The following RARB variants were observed in gnomAD, a reference collection of about 807,000 sequenced individuals.
RARB encodes retinoic acid receptor beta, also known as HBV-activated protein.
RARB carries 17 observed loss-of-function variants against 51.9 expected under a neutral mutation model. That is an observed-to-expected ratio of 0.33 (90% confidence interval 0.22 to 0.49). The LOEUF (loss-of-function observed/expected upper bound fraction) is 0.49, where lower values mean the gene tolerates loss of function less well. Among genes scored for constraint, RARB ranks in the 20% least tolerant of loss-of-function variants. The pLI is 0.99. For missense variants in RARB, 369 were observed against 550.8 expected (o/e 0.67, Z 3.30); for synonymous variants, 215 against 195.4 (o/e 1.10, Z -0.84).
At chr3:25,273,718 C>A (rs1703307175) in intron 5 of RARB, among the ~76,000 whole-genome samples, 1 of 152,352 alleles carries the variant, frequency 6.6e-6, no homozygotes, top group African/African-American at 2.4e-5. Flanking sequence ...CATGAATCAA[C>A]CTGTAAGTGC....
chr3:24,997,442 T>A (rs1471121348), intron 2 of RARB, among the ~76,000 whole-genome samples: 1 of 152,108 alleles, frequency 6.6e-6, no homozygotes, highest in Non-Finnish European at 1.5e-5. Context: ...TTTGCATTCA[T>A]GGCCATTGAT....
chr3:25,561,901 A>G (rs976507213), intron 3 of RARB, among the ~76,000 whole-genome samples: 7 of 152,214 alleles, frequency 4.6e-5, no homozygotes, highest in African/African-American at 1.7e-4. Flanking sequence ...TTGCTGGGAA[A>G]TTTCTTTTTT....
At chr3:24,924,839 C>T (rs917366087) in intron 2 of RARB, among the ~76,000 whole-genome samples, 1 of 152,072 alleles carries the variant, frequency 6.6e-6, no homozygotes, top group African/African-American at 2.4e-5. Context: ...AGGTAATACC[C>T]CTTATCCTTA....
intron 5 of RARB, among the ~76,000 whole-genome samples, chr3:25,372,368 G>A (rs552472157): frequency 1.9e-4 from 29 of 152,214 alleles, no homozygotes; most frequent in South Asian, 8.3e-4. Context: ...GCCCCTGTGG[G>A]ACAAAATCAC....
intron 2 of RARB, among the ~76,000 whole-genome samples, chr3:24,913,404 T>TC (rs61629105): frequency 0.01 from 1,353 of 131,384 alleles, 6 homozygotes; most frequent in African/African-American, 0.034. Flanking sequence ...CTCTCTCTCT[T>TC]TTTTTTTTTT....
At chr3:25,559,258 A>C (rs916720448) in intron 3 of RARB, among the ~76,000 whole-genome samples, 1 of 152,196 alleles carries the variant, frequency 6.6e-6, no homozygotes, top group Non-Finnish European at 1.5e-5. Context: ...TGGAGAAGAT[A>C]CTGGACTGTG....
chr3:25,228,467 C>T (rs915993334), intron 5 of RARB, among the ~76,000 whole-genome samples: 7 of 151,742 alleles, frequency 4.6e-5, no homozygotes, highest in Non-Finnish European at 1.0e-4. Flanking sequence ...GATCAGAGTG[C>T]CTTTTATCTC....
At chr3:25,364,727 C>G (rs530415124) in intron 5 of RARB, among the ~76,000 whole-genome samples, 1 of 152,194 alleles carries the variant, frequency 6.6e-6, no homozygotes, top group African/African-American at 2.4e-5. Context: ...ACATGAGGAA[C>G]CATATCCAGT....
intron 5 of RARB, among the ~76,000 whole-genome samples, chr3:25,278,701 C>T (rs1703451753): frequency 6.6e-6 from 1 of 152,194 alleles, no homozygotes; most frequent in Non-Finnish European, 1.5e-5. Context: ...AGCAAAATAG[C>T]AGCCCCGTTA....
Position 25,335,805 on chromosome 3 carries a change from G to T in RARB, c.179-125388G>T, listed in dbSNP as rs146725003. 2.6e-5 allele frequency among the ~76,000 whole-genome samples: 4 copies of T among 152,242 alleles called. No individual in the cohort carries two copies. In the East Asian group the frequency reaches 7.7e-4, roughly 29 times the overall value. The stretch of plus-strand genomic sequence containing the variant: ...CTCTGCTATATTCTCTTCTTGTACT[G>T]ATATTTTGTCACCTATGTGGCCAGG... On this transcript the variant is annotated intron_variant, in intron 5 of 11. Coordinates refer to the RARB transcript ENST00000383772.
At position 24,939,404 on chromosome 3, in the gene RARB, T is replaced by C. The variant is rs968975713; in HGVS notation, c.-380+80652T>C. Among the ~76,000 whole-genome samples, 3 of 152,244 alleles carry C rather than the reference T, an allele frequency of 2.0e-5. No individual in the cohort carries two copies. In the East Asian group the frequency reaches 5.8e-4, roughly 29 times the overall value. ...TGAGGAACTGTCAAATTGTTACATA[T>C]TTTATAGAAGTGATAAATGCAGGCT... is the stretch of plus-strand genomic sequence containing the variant. On this transcript the variant is annotated intron_variant, in intron 2 of 11. Coordinates refer to the RARB transcript ENST00000383772.
Position 25,209,269 on chromosome 3 carries a change from C to T in RARB, c.178+34694C>T, listed in dbSNP as rs79275517. ...CTGGGACCAGAGGAAGTTACTCACT[C>T]CTCCTCTTTGTTGTTTCTGAGCTAT... On this transcript the variant is annotated intron_variant, in intron 5 of 11. Transcript: ENST00000383772. 6.3e-3 allele frequency among the ~76,000 whole-genome samples: 961 copies of T among 152,306 alleles called. 11 individuals are homozygous for T. The highest frequency in any genetic ancestry group is 0.03 in the East Asian group (154 of 5,174).
chr3:25,122,182 A>C (rs1290572350), intron 3 of RARB, among the ~76,000 whole-genome samples: 1 of 152,140 alleles, frequency 6.6e-6, no homozygotes, highest in Non-Finnish European at 1.5e-5. Flanking sequence ...GTTTTTCAGC[A>C]ATTGTTGTGA....
chr3:25,527,424 T>C (rs1332784237), intron 3 of RARB, among the ~76,000 whole-genome samples: 1 of 152,324 alleles, frequency 6.6e-6, no homozygotes, highest in South Asian at 2.1e-4. Context: ...TGAAAGAGCA[T>C]TGTATTTTTC....
intron 3 of RARB, among the ~76,000 whole-genome samples, chr3:25,123,869 G>A (rs1217690514): frequency 6.6e-6 from 1 of 152,132 alleles, no homozygotes; most frequent in African/African-American, 2.4e-5. Context: ...CTCATTTCCT[G>A]TTGTCTTCTC....
At position 25,597,477 on chromosome 3, in the gene RARB, T is replaced by TTTTG. The variant is rs927503488; in HGVS notation, c.*865_*868dup. ...GCAGAAACACTTTTCAGTGTTAAGT[T>TTTTG]TTTGTTTACTTGTTCACAAGCCATT... On this transcript the variant is annotated 3_prime_UTR_variant, in exon 8 of 8. Transcript: ENST00000330688. 3.9e-5 allele frequency: 6 copies of TTTTG among 152,718 alleles called. No homozygotes were observed. Among genetic ancestry groups the TTTTG allele is most frequent in the South Asian group, 4.1e-4 (2 of 4,832 alleles). The allele number at this position is 152,718 out of a possible 1,614,324, so 9.5% of individuals were successfully genotyped here.
intron 3 of RARB, among the ~76,000 whole-genome samples, chr3:25,107,965 C>G (rs1228598642): frequency 1.3e-5 from 2 of 152,028 alleles, no homozygotes; most frequent in African/African-American, 4.8e-5. Flanking sequence ...TGTCAGCATC[C>G]CTACTTTTGC....
intron 5 of RARB, among the ~76,000 whole-genome samples, chr3:25,415,837 T>C (rs1559391377): frequency 6.6e-6 from 1 of 152,240 alleles, no homozygotes; most frequent in Non-Finnish European, 1.5e-5. Flanking sequence ...TTGTTATGTG[T>C]TGTATATTGT....
intron 5 of RARB, among the ~76,000 whole-genome samples, chr3:25,360,893 C>G (rs989317587): frequency 3.3e-5 from 5 of 152,172 alleles, no homozygotes; most frequent in African/African-American, 1.2e-4. Flanking sequence ...TGACCTTTCT[C>G]TCTGGCTGCC....
Sources: gnomAD v4.1 joint callset for allele counts (sites outside exome capture counted in the v4.1 genomes callset) on GRCh38, gnomAD v4.1.1 for gene constraint, MANE v1.5 for transcripts, NCBI Gene and HGNC (gene_info 2026-07-23, HGNC 2026-07-21) for gene names.